AHCYL2: variants seen among roughly 807,000 people sequenced by gnomAD.
AHCYL2 encodes adenosylhomocysteinase like 2.
In AHCYL2, 28 loss-of-function variants were observed where a neutral mutation model predicts 81.4. That is an observed-to-expected ratio of 0.34 (90% CI 0.25 to 0.47). AHCYL2 has a LOEUF of 0.47. Ranked by LOEUF, AHCYL2 falls within the 20% of genes least tolerant of loss-of-function variation. The probability of loss-of-function intolerance (pLI) is 1.00; values close to 1 mark genes in which losing one functional copy is unlikely to be tolerated. For missense variants in AHCYL2, 551 were observed against 785.1 expected (o/e 0.70, Z 3.56); for synonymous variants, 272 against 290.2 (o/e 0.94, Z 0.64).
intron 1 of AHCYL2, among the ~76,000 whole-genome samples, chr7:129,288,441 C>T (rs757094153): frequency 2.0e-4 from 31 of 151,722 alleles, no homozygotes; most frequent in Non-Finnish European, 3.1e-4. Context: ...GCTCACTGCA[C>T]CCTCCACCTT....
At chr7:129,326,091 A>T (rs939090861) in intron 1 of AHCYL2, among the ~76,000 whole-genome samples, 1 of 152,052 alleles carries the variant, frequency 6.6e-6, no homozygotes. Context: ...TTTTTCATTA[A>T]TCGAAATAAT....
chr7:129,258,961 C>T (rs1315415988), intron 1 of AHCYL2, among the ~76,000 whole-genome samples: 1 of 152,178 alleles, frequency 6.6e-6, no homozygotes, highest in Non-Finnish European at 1.5e-5. Flanking sequence ...TAGCATTTTG[C>T]TATTTTAAAA....
At chr7:129,408,345 G>A (rs116408453) in intron 10 of AHCYL2, among the ~76,000 whole-genome samples, 1,893 of 152,284 alleles carry the variant, frequency 0.012, 37 homozygotes, top group African/African-American at 0.043. Context: ...TATTAGAGAA[G>A]AGTAGAGAGA....
chr7:129,245,939 A>G (rs1348454137), intron 1 of AHCYL2, among the ~76,000 whole-genome samples: 1 of 152,238 alleles, frequency 6.6e-6, no homozygotes, highest in Non-Finnish European at 1.5e-5. Flanking sequence ...CGTTTTCCAT[A>G]GCAACTGCAC....
intron 1 of AHCYL2, among the ~76,000 whole-genome samples, chr7:129,363,477 C>G (rs1794003330): frequency 6.6e-6 from 1 of 152,010 alleles, no homozygotes. Flanking sequence ...TTAAAACCTA[C>G]AGTAAGGAAA....
At chr7:129,292,307 T>C (rs2150752206) in intron 1 of AHCYL2, among the ~76,000 whole-genome samples, 1 of 152,308 alleles carries the variant, frequency 6.6e-6, no homozygotes, top group African/African-American at 2.4e-5. Context: ...TATGCGTGGA[T>C]AAAGATAAAA....
intron 1 of AHCYL2, among the ~76,000 whole-genome samples, chr7:129,373,852 A>G (rs1794539753): frequency 6.6e-6 from 1 of 152,208 alleles, no homozygotes; most frequent in Non-Finnish European, 1.5e-5. Flanking sequence ...TCATCAAGCA[A>G]GCAAATGATC....
chr7:129,248,389 T>G (rs1388001442), intron 1 of AHCYL2, among the ~76,000 whole-genome samples: 1 of 152,256 alleles, frequency 6.6e-6, no homozygotes, highest in East Asian at 1.9e-4. Context: ...CCTGTATACT[T>G]AAATCATTTC....
At chr7:129,245,222 A>C (rs1795007941) in intron 1 of AHCYL2, among the ~76,000 whole-genome samples, 1 of 151,922 alleles carries the variant, frequency 6.6e-6, no homozygotes, top group African/African-American at 2.4e-5. Context: ...ATGGGGTTTC[A>C]CCATGTTGGT....
At chr7:129,409,775 A>G (rs1796477833) in intron 11 of AHCYL2, among the ~76,000 whole-genome samples, 1 of 152,214 alleles carries the variant, frequency 6.6e-6, no homozygotes, top group African/African-American at 2.4e-5. Flanking sequence ...CTTGAAGACA[A>G]CTGTTATATC....
chr7:129,362,160 C>G (rs1793951628), intron 1 of AHCYL2, among the ~76,000 whole-genome samples: 1 of 152,050 alleles, frequency 6.6e-6, no homozygotes, highest in Non-Finnish European at 1.5e-5. Flanking sequence ...ATACTGTTAT[C>G]CTGATTTACA....
chr7:129,409,611 G>T, intron 11 of AHCYL2, 65 bp downstream of exon 11: 2 of 1,367,964 alleles, frequency 1.5e-6, no homozygotes, highest in Non-Finnish European at 2.1e-6. Flanking sequence ...GGTGCAAGAT[G>T]ATTGGAAATA....
At chr7:129,276,601 A>G (rs148109816) in intron 1 of AHCYL2, among the ~76,000 whole-genome samples, 2 of 151,962 alleles carry the variant, frequency 1.3e-5, no homozygotes, top group African/African-American at 4.8e-5. Context: ...AAGTATAAAA[A>G]TGCTGTGCAT....
rs76312653 is a variant in AHCYL2, at chr7:129,293,005, G to A, written c.363+67566G>A. On this transcript the variant is annotated intron_variant, in intron 1 of 16. Coordinates refer to ENST00000325006, the MANE Select transcript of AHCYL2 (RefSeq NM_015328.4). ...ATTATTTATTTATTTATTAGAGATG[G>A]GGTCTCACTGTGTTGCCCAGGCTGG... 3.4e-3 allele frequency among the ~76,000 whole-genome samples: 512 copies of A among 152,092 alleles called. 1 individual carries two copies. Among genetic ancestry groups the A allele is most frequent in the African/African-American group, 0.012 (495 of 41,468 alleles).
At chr7:129,423,263 G>A (rs566557683) in intron 13 of AHCYL2, among the ~76,000 whole-genome samples, 1 of 152,270 alleles carries the variant, frequency 6.6e-6, no homozygotes, top group South Asian at 2.1e-4. Flanking sequence ...TGTCACTTGT[G>A]GGATGTTTTA....
intron 1 of AHCYL2, among the ~76,000 whole-genome samples, chr7:129,340,427 G>A (rs1391618592): frequency 2.0e-5 from 3 of 151,426 alleles, no homozygotes; most frequent in African/African-American, 7.3e-5. Flanking sequence ...AATTAGCCGG[G>A]CGTGGTGGCA....
Position 129,361,954 on chromosome 7 carries a change from A to G in AHCYL2, c.364-17684A>G, listed in dbSNP as rs375096633. 4.6e-5 allele frequency among the ~76,000 whole-genome samples: 7 copies of G among 152,250 alleles called. No homozygotes were observed. In the East Asian group the frequency reaches 1.2e-3, roughly 25 times the overall value. On this transcript the variant is annotated intron_variant, in intron 1 of 16. Transcript: ENST00000325006. ...TAGGATAGATATTCTTAATAGCCCT[A>G]TTTTACAGATGAGAAAACTGAGGCA...
chr7:129,254,757 G>A (rs1203106166), intron 1 of AHCYL2, among the ~76,000 whole-genome samples: 1 of 152,142 alleles, frequency 6.6e-6, no homozygotes, highest in African/African-American at 2.4e-5. Context: ...ATAGAACTTT[G>A]TAAATAACCT....
At chr7:129,235,612 G>A (rs868779263) in intron 1 of AHCYL2, among the ~76,000 whole-genome samples, 5 of 150,702 alleles carry the variant, frequency 3.3e-5, no homozygotes, top group South Asian at 4.2e-4. Flanking sequence ...TTGTAGAGAT[G>A]GGGTTTCGCC....
Sources: allele counts gnomAD v4.1 joint callset (sites outside exome capture counted in the v4.1 genomes callset), GRCh38; gene constraint gnomAD v4.1.1; transcripts MANE v1.5; gene names NCBI Gene and HGNC (gene_info 2026-07-23, HGNC 2026-07-21).